The following NOTCH4 variants were observed in gnomAD, a reference collection of about 807,000 sequenced individuals.
NOTCH4 encodes neurogenic locus notch homolog protein 4.
In NOTCH4, 138 loss-of-function variants were observed where a neutral mutation model predicts 189.0. The observed-to-expected ratio is 0.73, with a 90% confidence interval of 0.64 to 0.84. The LOEUF (loss-of-function observed/expected upper bound fraction) is 0.84, where lower values mean the gene tolerates loss of function less well. Ranked by LOEUF, NOTCH4 falls within the 40% of genes least tolerant of loss-of-function variation. The pLI, the probability that NOTCH4 is intolerant of heterozygous loss-of-function variation, is 0.00. For missense variants in NOTCH4, 2,286 were observed against 2,605.4 expected, an observed-to-expected ratio of 0.88 and a Z score of 2.67; for synonymous variants, 942 against 1,032.8, an observed-to-expected ratio of 0.91 and a Z score of 1.69.
rs540397690 is a variant in NOTCH4 at position 32,198,783 on chromosome 6, T to G, written c.4536-53A>C. 19 of 1,536,508 alleles carry G rather than the reference T, an allele frequency of 1.2e-5. No individual in the cohort carries two copies. In the African/African-American group the frequency reaches 1.2e-4, roughly 10 times the overall value. ...ACACGGAATTATGACCATCAGGGTC[T>G]CCAAAATTTCCAGCAGGCTTCCCAC... On this transcript the variant is annotated intron_variant, in intron 24 of 29. Transcript: ENST00000375023. The surrounding 1 kb of genome is among the most constrained non-coding windows in gnomAD (Gnocchi z 5.5).
At chr6:32,219,535 A>G (rs1582820999) in intron 8 of NOTCH4, 57 bp downstream of exon 8, 2 of 1,484,612 alleles carry the variant, frequency 1.3e-6, no homozygotes, top group South Asian at 1.2e-5. Flanking sequence ...GGGCATTCCT[A>G]GTGGGTTCAG....
In NOTCH4 at chr6:32,217,077, A is replaced by C. The variant is rs778996700; in HGVS notation, c.1739-10T>G. ...CGTGGCCCTTCAAAGCCTGTGGCAC[A>C]GCAGGAAGGTCAGGGACCTGCACGG... On this transcript the variant is annotated splice_polypyrimidine_tract_variant and intron_variant, in intron 10 of 29. Coordinates refer to ENST00000375023, the MANE Select transcript of NOTCH4 (RefSeq NM_004557.4). The surrounding 1 kb of genome is among the most constrained non-coding windows in gnomAD (Gnocchi z 4.2). The C allele has an allele frequency of 7.4e-6, 12 of 1,613,090 alleles. No homozygotes were observed. Among genetic ancestry groups the C allele is most frequent in the Admixed American group, 6.7e-5 (4 of 60,032 alleles).
At chr6:32,216,140 C>A (rs183630690) in intron 11 of NOTCH4, 1 of 152,536 alleles carries the variant, frequency 6.6e-6, no homozygotes, top group Non-Finnish European at 1.5e-5. Context: ...CATTCTCCTG[C>A]CTCAGCCTCT....
chr6:32,221,327 T>C lies in NOTCH4; in HGVS notation c.452-2A>G. The C allele has an allele frequency of 6.2e-7, 1 of 1,609,654 alleles. No homozygotes were observed. The highest frequency in any genetic ancestry group is 8.5e-7 in the Non-Finnish European group (1 of 1,177,870). On this transcript the variant is annotated splice_acceptor_variant, in intron 3 of 29. Coordinates refer to ENST00000375023, the MANE Select transcript of NOTCH4 (RefSeq NM_004557.4). LOFTEE classifies it high-confidence loss of function. This position sits in a 1 kb window ranked among gnomAD's most constrained non-coding sequence, Gnocchi z 4.3. ...AGTCCCGAAGCTGGCACTGCTCACC[T>C]GAGGCAGAGGACAGAGGGAGCCGTT...
chr6:32,197,086 G>T lies in NOTCH4; in HGVS notation c.5053-14C>A. The T allele has an allele frequency of 6.2e-7, 1 of 1,611,634 alleles. No individual in the cohort carries two copies. The highest frequency in any genetic ancestry group is 8.5e-7 in the Non-Finnish European group (1 of 1,179,860). On this transcript the variant is annotated splice_polypyrimidine_tract_variant and intron_variant, in intron 27 of 29. Coordinates refer to ENST00000375023, the MANE Select transcript of NOTCH4 (RefSeq NM_004557.4). ...ACGGAGCAGAAGCTGGGGAGACAGA[G>T]GGCCAGTGACCCCTGGGGTACCTTG...
chr6:32,216,777 G>T, intron 11 of NOTCH4, 168 bp downstream of exon 11: 1 of 856,638 alleles, frequency 1.2e-6, no homozygotes, highest in Non-Finnish European at 1.9e-6. Flanking sequence ...CCCTGCCCTT[G>T]TCCCCATGGT....
Position 32,197,275 on chromosome 6 carries a change from G to T in NOTCH4, c.5052+24C>A, listed in dbSNP as rs1432328008. ...TACTTGTAAGCTCGCCCCATTCCCT[G>T]TAGGGACCTCAGTGTGTGCTAACCT... is the stretch of plus-strand genomic sequence containing the variant. On this transcript the variant is annotated intron_variant, in intron 27 of 29. Coordinates refer to ENST00000375023, the MANE Select transcript of NOTCH4 (RefSeq NM_004557.4). 3.3e-6 allele frequency: 5 copies of T among 1,518,006 alleles called. No homozygotes were observed. In the African/African-American group the frequency reaches 6.9e-5, roughly 21 times the overall value. 94.0% of individuals were successfully genotyped at this position (1,518,006 alleles called of 1,614,324 possible).
chr6:32,204,101 C>T, intron 19 of NOTCH4, 36 bp downstream of exon 19: 1 of 1,607,438 alleles, frequency 6.2e-7, no homozygotes, highest in South Asian at 1.1e-5. Flanking sequence ...TGGCTGTGCT[C>T]CAGACACACT....
chr6:32,203,509 C>T (rs1401932511), intron 20 of NOTCH4: 2 of 500,288 alleles, frequency 4.0e-6, no homozygotes, highest in South Asian at 3.4e-5. Context: ...GGCCACCCAC[C>T]ACGCAGCTTG....
rs777193021 is a variant in NOTCH4 at position 32,219,697 on chromosome 6, C to T, written c.1405G>A (p.Gly469Ser). 2 of 1,613,140 alleles carry T rather than the reference C, an allele frequency of 1.2e-6. No individual in the cohort carries two copies. Among genetic ancestry groups the T allele is most frequent in the Non-Finnish European group, 1.7e-6 (2 of 1,180,006 alleles). ...TTGTGATCAGCCTCACAACGGGAGC[C>T]TGTGTAGCCAGGTGGACAGAGGCAG... ...FNCLCPPGYT[G>S]SRCEADHNEC... Residue 469 changes from glycine (G) to serine (S), a missense_variant, in exon 8 of 30, where the codon GGC becomes AGC. By Grantham distance (56) the Gly-to-Ser change is moderately conservative (BLOSUM62 0). This residue lies in a region of NOTCH4 where 1,903 missense variants were observed against 2,261.9 expected (regional missense o/e 0.84). Transcript: ENST00000375023.
At chr6:32,223,193 T>G (rs1582830643) in intron 1 of NOTCH4, 107 bp from the exon 2 acceptor site, 2 of 814,032 alleles carry the variant, frequency 2.5e-6, no homozygotes, top group Non-Finnish European at 2.2e-6. Flanking sequence ...CCACAGGTAC[T>G]CTAAACCACC....
In NOTCH4 at chr6:32,198,834, C is replaced by T. The variant is rs996443024; in HGVS notation, c.4535+92G>A. On this transcript the variant is annotated intron_variant, in intron 24 of 29. Coordinates refer to ENST00000375023, the MANE Select transcript of NOTCH4 (RefSeq NM_004557.4). This position sits in a 1 kb window ranked among gnomAD's most constrained non-coding sequence, Gnocchi z 5.5. ...CCCTCTCTCCTTCCCCTATCTTTGA[C>T]TTCTGCAATAGTATTTCTTATCTTT... 2.7e-6 allele frequency: 4 copies of T among 1,464,550 alleles called. No individual in the cohort carries two copies. In the African/African-American group the frequency reaches 5.7e-5, roughly 21 times the overall value. 90.7% of individuals were successfully genotyped at this position (1,464,550 alleles called of 1,614,324 possible). A position where few individuals can be genotyped will look rare whatever the true frequency, so the allele number is the denominator to read the frequency against.
In NOTCH4 at chr6:32,222,772, A is replaced by T. The variant is rs61729734; in HGVS notation, c.190T>A (p.Phe64Ile). 9.8e-5 allele frequency: 158 copies of T among 1,611,534 alleles called. No individual in the cohort carries two copies. In the African/African-American group the frequency reaches 2.0e-3, roughly 21 times the overall value. Residue 64 changes from phenylalanine to isoleucine, a missense_variant, in exon 3 of 30, where the codon TTT becomes ATT. Physicochemically the swap from Phe to Ile is conservative, Grantham distance 21. Around this residue, in one of 2 missense-constraint regions of NOTCH4, gnomAD observed 1,903 missense variants for 2,261.9 expected, o/e 0.84. Transcript: ENST00000375023. ...TGGGCGTTCTGGCAGGGGTCAGGAAACTGGCACGTCTCACCCAGGAAGCCA... is the reference window on the plus strand; with the variant it reads ...TGGGCGTTCTGGCAGGGGTCAGGAATCTGGCACGTCTCACCCAGGAAGCCA... ...APGFLGETCQ[F>I]PDPCQNAQLC...
chr6:32,214,285 T>C, intron 12 of NOTCH4, 30 bp from the exon 13 acceptor site: 1 of 1,609,782 alleles, frequency 6.2e-7, no homozygotes, highest in Non-Finnish European at 8.5e-7. Context: ...GGAGGGTTTT[T>C]CTCTTCTCCT....
Position 32,201,214 on chromosome 6 carries a change from C to A in NOTCH4, c.4042G>T (p.Glu1348Ter), listed in dbSNP as rs766996507. The change falls in exon 22 of 30, where the codon GAA becomes TAA. Residue 1348 changes from glutamate to a stop codon, truncating the protein, a stop_gained. Coordinates refer to ENST00000375023, the MANE Select transcript of NOTCH4 (RefSeq NM_004557.4). LOFTEE classifies it high-confidence loss of function. The surrounding 1 kb of genome is among the most constrained non-coding windows in gnomAD (Gnocchi z 5.5). ...MVYPYPGARA[E>*]EKLGGTRDPT... ...TCCCGAGTTCCTCCTAGCTTTTCTT[C>A]AGCCCGGGCCCCAGGATAGGGGTAC... is the stretch of plus-strand genomic sequence containing the variant. 1 of 1,613,032 alleles carries A rather than the reference C, an allele frequency of 6.2e-7. No homozygotes were observed. The highest frequency in any genetic ancestry group is 8.5e-7 in the Non-Finnish European group (1 of 1,180,004).
At chr6:32,216,854 C>T in intron 11 of NOTCH4, 91 bp downstream of exon 11, 2 of 1,404,966 alleles carry the variant, frequency 1.4e-6, no homozygotes, top group Non-Finnish European at 2.0e-6. Flanking sequence ...ATTCTCACAT[C>T]CCAACCATCA....
In NOTCH4 at chr6:32,213,865, G is replaced by T. The variant is rs370766979; in HGVS notation, c.2168-25C>A. 1.3e-5 allele frequency: 21 copies of T among 1,609,952 alleles called. No individual in the cohort carries two copies. In the African/African-American group the frequency reaches 2.5e-4, roughly 19 times the overall value. On this transcript the variant is annotated intron_variant, in intron 13 of 29. Transcript: ENST00000375023. ...CCTGAAGGAAACAGGTGGGGGCTGA[G>T]AAAGGGTGTCCTCCTTCCCTCCCTC...
At position 32,221,380 on chromosome 6, in the gene NOTCH4, C is replaced by G. The variant is rs2127489454; in HGVS notation, c.452-55G>C. ...TAGCATTGTACGAATTCTAGCCCAT[C>G]TGAGGTTACCCAGTGCTCACTCTGG... is the stretch of plus-strand genomic sequence containing the variant. On this transcript the variant is annotated intron_variant, in intron 3 of 29. Transcript: ENST00000375023. This position sits in a 1 kb window ranked among gnomAD's most constrained non-coding sequence, Gnocchi z 4.3. The G allele has an allele frequency of 7.4e-7, 1 of 1,357,520 alleles. No individual in the cohort carries two copies. The highest frequency in any genetic ancestry group is 1.0e-6 in the Non-Finnish European group (1 of 970,858). The allele number at this position is 1,357,520 out of a possible 1,614,324, so 84.1% of individuals were successfully genotyped here. A position where few individuals can be genotyped will look rare whatever the true frequency, so the allele number is the denominator to read the frequency against.
chr6:32,214,025 A>C (rs1210264558), intron 13 of NOTCH4, 85 bp downstream of exon 13: 3 of 1,498,872 alleles, frequency 2.0e-6, no homozygotes, highest in Admixed American at 4.0e-5. Flanking sequence ...GTGGTGACTG[A>C]GACTCAGGGC....
Sources: gnomAD v4.1 joint callset for allele counts on GRCh38, gnomAD v4.1.1 for gene constraint, gnomAD v4.1.1 regional missense constraint, Gnocchi (gnomAD v3.1) non-coding constraint, MANE v1.5 for transcripts, NCBI Gene and HGNC (gene_info 2026-07-23, HGNC 2026-07-21) for gene names.